The following COL17A1 variants were observed in gnomAD, a reference collection of about 807,000 sequenced individuals.
COL17A1 encodes collagen type XVII alpha 1 chain, also known as collagen alpha-1(XVII) chain.
Under a neutral mutation model 218.4 loss-of-function variants are expected in COL17A1, and 181 were observed. The ratio of observed to expected loss-of-function variants is 0.83; its 90% CI spans 0.73 to 0.94. The LOEUF (loss-of-function observed/expected upper bound fraction) is 0.94. COL17A1 is among the 40% of genes least tolerant of loss of function. The pLI, the probability that COL17A1 is intolerant of heterozygous loss-of-function variation, is 0.00. For missense variants in COL17A1, 1,924 were observed against 1,945.9 expected, an observed-to-expected ratio of 0.99 and a Z score of 0.21; for synonymous variants, 721 against 731.0, an observed-to-expected ratio of 0.99 and a Z score of 0.22.
chr10:104,061,992 A>G (rs561188123), intron 12 of COL17A1, among the ~76,000 whole-genome samples: 6 of 152,162 alleles, frequency 3.9e-5, no homozygotes, highest in Non-Finnish European at 8.8e-5. Context: ...TGGCAAGACC[A>G]CCAACCTAAC....
intron 12 of COL17A1, among the ~76,000 whole-genome samples, chr10:104,061,842 G>A (rs936027588): frequency 1.0e-3 from 158 of 152,156 alleles, no homozygotes; most frequent in Non-Finnish European, 3.4e-4. Flanking sequence ...AGGCAAGTTG[G>A]AGGCAAAGGC....
At chr10:104,036,721 A>C (rs1320731669) in intron 47 of COL17A1, 89 bp from the exon 48 acceptor site, 2 of 1,502,198 alleles carry the variant, frequency 1.3e-6, no homozygotes, top group African/African-American at 2.7e-5. Flanking sequence ...CCCCTGCACA[A>C]ACTGGCTCCT....
Position 104,038,556 on chromosome 10 carries a change from C to T in COL17A1, c.2948-28G>A, listed in dbSNP as rs200226852. On this transcript the variant is annotated intron_variant, in intron 44 of 55. Transcript: ENST00000648076. ...GCAGCAAAGAGAAAGCGTCCTGTGT[C>T]GGTTTCTCCACCCTAGGGTCAGACA... is the stretch of plus-strand genomic sequence containing the variant. The T allele has an allele frequency of 6.5e-5, 105 of 1,606,632 alleles. No individual in the cohort carries two copies. The South Asian group carries it at 1.0e-3, about 16-fold the overall frequency.
At chr10:104,035,397 G>A (rs1425169915) in intron 49 of COL17A1, 24 bp from the exon 50 acceptor site, 7 of 1,613,692 alleles carry the variant, frequency 4.3e-6, no homozygotes, top group Non-Finnish European at 8.5e-7. Context: ...GGAGGGCACG[G>A]AGTCAGTCCT....
chr10:104,040,791 C>A (rs2086351957), intron 39 of COL17A1, among the ~76,000 whole-genome samples: 1 of 152,180 alleles, frequency 6.6e-6, no homozygotes, highest in Non-Finnish European at 1.5e-5. Context: ...GACCTGGGCT[C>A]CCCAAGGATA....
intron 1 of COL17A1, among the ~76,000 whole-genome samples, chr10:104,081,276 A>G (rs2086762661): frequency 1.3e-5 from 2 of 152,198 alleles, no homozygotes; most frequent in South Asian, 2.1e-4. Context: ...ATCGGCTCTC[A>G]TGTGCTTATC....
At chr10:104,051,179 C>T (rs1225916498) in intron 25 of COL17A1, among the ~76,000 whole-genome samples, 1 of 152,148 alleles carries the variant, frequency 6.6e-6, no homozygotes, top group Admixed American at 6.5e-5. Flanking sequence ...AGGACAAGCT[C>T]TGTGGCCATA....
At chr10:104,074,101 C>A in intron 6 of COL17A1, 83 bp downstream of exon 6, 1 of 1,606,146 alleles carries the variant, frequency 6.2e-7, no homozygotes, top group Non-Finnish European at 8.5e-7. Context: ...ATGAGGTCCC[C>A]TACTCCCACC....
chr10:104,034,552 C>G, intron 51 of COL17A1, 69 bp downstream of exon 51: 6 of 1,567,750 alleles, frequency 3.8e-6, no homozygotes, highest in Non-Finnish European at 5.2e-6. Context: ...AAGTGCCTCC[C>G]TGCCCCACTT....
rs1427899378 is a variant in COL17A1 at position 104,047,823 on chromosome 10, T to C, written c.2264-13A>G. The stretch of plus-strand genomic sequence containing the variant: ...AGACCTTGTTCACCTAGAGAGAGAA[T>C]GGCCAACGTGGAAGTGTTTACATTT... On this transcript the variant is annotated splice_polypyrimidine_tract_variant and intron_variant, in intron 30 of 55. Transcript: ENST00000648076. 1.9e-6 allele frequency: 3 copies of C among 1,609,766 alleles called. No homozygotes were observed. The East Asian group carries it at 6.7e-5, about 36-fold the overall frequency.
intron 32 of COL17A1, 115 bp downstream of exon 32, chr10:104,046,632 G>A: frequency 1.0e-6 from 1 of 974,100 alleles, no homozygotes; most frequent in Non-Finnish European, 1.7e-6. Flanking sequence ...GGGAGTGTGT[G>A]CCAGGGAGTT....
At chr10:104,073,048 G>A (rs1407060411) in intron 7 of COL17A1, among the ~76,000 whole-genome samples, 162 bp downstream of exon 7, 5 of 152,092 alleles carry the variant, frequency 3.3e-5, no homozygotes, top group African/African-American at 2.4e-5. Flanking sequence ...CGATAGAGCC[G>A]GTGGAAGATT....
chr10:104,052,452 G>A (rs534620442), intron 23 of COL17A1, among the ~76,000 whole-genome samples: 3 of 152,158 alleles, frequency 2.0e-5, no homozygotes, highest in Admixed American at 6.5e-5. Context: ...GTCTGGTTGA[G>A]CAATATTTTA....
intron 17 of COL17A1, among the ~76,000 whole-genome samples, chr10:104,056,424 T>C (rs537026765): frequency 2.6e-5 from 4 of 151,766 alleles, no homozygotes; most frequent in African/African-American, 9.7e-5. Flanking sequence ...CTACTAAAAA[T>C]ACAAAAAATT....
Position 104,053,924 on chromosome 10 carries a change from G to T in COL17A1, c.1830C>A (p.Ser610Arg). The change falls in exon 22 of 56, where the codon AGC becomes AGA. Residue 610 changes from serine to arginine, a missense_variant. Transcript: ENST00000648076. The part of the protein sequence containing the change: ...GPQGPKGQKG[S>R]VGDPGMEGPM... ...AAAGAAAAATGTGTTTCTTACCCAC[G>T]CTGCCTTTTTGACCCTTTGGTCCTT... 6.4e-7 allele frequency: 1 copy of T among 1,571,228 alleles called. No individual in the cohort carries two copies. Among genetic ancestry groups the T allele is most frequent in the Non-Finnish European group, 8.8e-7 (1 of 1,140,996 alleles).
intron 33 of COL17A1, among the ~76,000 whole-genome samples, chr10:104,044,617 C>T (rs1420075996): frequency 1.3e-5 from 2 of 152,176 alleles, no homozygotes; most frequent in Non-Finnish European, 2.9e-5. Flanking sequence ...ATGGTCTCTG[C>T]TCACCATCCT....
intron 7 of COL17A1, among the ~76,000 whole-genome samples, chr10:104,072,975 T>C (rs75903741): frequency 0.016 from 2,508 of 152,272 alleles, 71 homozygotes; most frequent in African/African-American, 0.058. Flanking sequence ...ATTGTTATCA[T>C]GTGTTTTGCT....
Position 104,060,126 on chromosome 10 carries a change from G to C in COL17A1, c.1134C>G (p.Ile378Met), listed in dbSNP as rs574787396. The change falls in exon 14 of 56, where the codon ATC becomes ATG. Residue 378 changes from isoleucine (I) to methionine (M), a missense_variant. Coordinates refer to ENST00000648076, the MANE Select transcript of COL17A1 (RefSeq NM_000494.4). ...ACACAGGATCTGACGCACTTGCAGC[G>C]ATGCTGGCAGGGGAGGCTGTAAAGA... ...GKVFTASPAS[I>M]AATSFSEDTL... is the part of the protein sequence containing the mutation. 2 of 1,613,964 alleles carry C rather than the reference G, an allele frequency of 1.2e-6. No homozygotes were observed. Among genetic ancestry groups the C allele is most frequent in the African/African-American group, 2.7e-5 (2 of 74,908 alleles).
At position 104,057,070 on chromosome 10, in the gene COL17A1, GGGCACCAGGCT is replaced by G; in HGVS notation, c.1359_1369del (p.Ala454LeufsTer44). ...CCACCAGCTGCAGCAGGAGCCGCAG[GGGCACCAGGCT>G]GGCGCTGGTCCCCAAGGGCCGCCGC... On this transcript the variant is annotated frameshift_variant, in exon 17 of 56. Transcript: ENST00000648076. LOFTEE classifies it high-confidence loss of function. The G allele has an allele frequency of 6.2e-7, 1 of 1,611,348 alleles. No individual in the cohort carries two copies. Among genetic ancestry groups the G allele is most frequent in the Non-Finnish European group, 8.5e-7 (1 of 1,179,028 alleles).
Sources: allele counts gnomAD v4.1 joint callset (sites outside exome capture counted in the v4.1 genomes callset), GRCh38; gene constraint gnomAD v4.1.1; transcripts MANE v1.5; gene names NCBI Gene and HGNC (gene_info 2026-07-23, HGNC 2026-07-21).